The following EYS variants were observed in gnomAD, a reference collection of about 807,000 sequenced individuals.
EYS encodes the protein protein eyes shut homolog.
A neutral mutation model predicts 282.1 loss-of-function variants in EYS; 250 were observed. The observed-to-expected ratio is 0.89, with a 90% CI of 0.80 to 0.98. EYS has a LOEUF of 0.98. Among genes scored for constraint, EYS ranks in the 50% least tolerant of loss-of-function variants. EYS has a pLI of 0.00. For missense variants in EYS, 4,016 were observed against 3,709.0 expected (o/e 1.08, Z -2.15); for synonymous variants, 1,355 against 1,282.9 (o/e 1.06, Z -1.20).
At chr6:64,620,073 C>A (rs1404922712) in intron 23 of EYS, among the ~76,000 whole-genome samples, 1 of 151,996 alleles carries the variant, frequency 6.6e-6, no homozygotes, top group Non-Finnish European at 1.5e-5. Flanking sequence ...AAACAGAAAT[C>A]ACTCTAGTTA....
At chr6:65,587,719 G>T (rs1356640134) in intron 2 of EYS, among the ~76,000 whole-genome samples, 1 of 151,932 alleles carries the variant, frequency 6.6e-6, no homozygotes, top group Non-Finnish European at 1.5e-5. Flanking sequence ...GAGTTAAAAA[G>T]AAAACATAAA....
chr6:64,867,229 A>G (rs199687817), intron 19 of EYS, among the ~76,000 whole-genome samples: 2 of 150,986 alleles, frequency 1.3e-5, no homozygotes, highest in Non-Finnish European at 3.0e-5. Context: ...GAATTTGTTC[A>G]TTTGTTTTTA....
intron 35 of EYS, among the ~76,000 whole-genome samples, chr6:63,910,710 T>A (rs1384211811): frequency 6.6e-6 from 1 of 152,214 alleles, no homozygotes; most frequent in Non-Finnish European, 1.5e-5. Context: ...TGAATGGCAA[T>A]TACTTTTAAA....
chr6:63,872,364 G>A (rs760830388), intron 35 of EYS, among the ~76,000 whole-genome samples: 7 of 151,642 alleles, frequency 4.6e-5, no homozygotes, highest in Non-Finnish European at 8.8e-5. Context: ...AAGTGTGCAT[G>A]TGTGTGTGTA....
At chr6:65,130,405 A>G (rs1775836468) in intron 12 of EYS, among the ~76,000 whole-genome samples, 1 of 151,918 alleles carries the variant, frequency 6.6e-6, no homozygotes, top group African/African-American at 2.4e-5. Context: ...TAACAATGGG[A>G]AAATAGTTTT....
intron 35 of EYS, among the ~76,000 whole-genome samples, chr6:63,909,526 G>T (rs1773862636): frequency 6.6e-6 from 1 of 152,134 alleles, no homozygotes; most frequent in South Asian, 2.1e-4. Flanking sequence ...CCTACTAGAG[G>T]CAATTGTTAA....
intron 26 of EYS, among the ~76,000 whole-genome samples, chr6:64,566,193 G>C (rs533199199): frequency 6.6e-6 from 1 of 152,092 alleles, no homozygotes; most frequent in African/African-American, 2.4e-5. Flanking sequence ...TAGTGGTTTA[G>C]TTTACCTTAT....
chr6:65,444,468 G>A (rs1409424781), intron 5 of EYS, among the ~76,000 whole-genome samples: 1 of 152,038 alleles, frequency 6.6e-6, no homozygotes, highest in African/African-American at 2.4e-5. Context: ...TACTAATACA[G>A]GGAGACCAGG....
chr6:64,371,777 G>A (rs1398051216), intron 29 of EYS, among the ~76,000 whole-genome samples: 2 of 151,892 alleles, frequency 1.3e-5, no homozygotes, highest in Admixed American at 6.6e-5. Flanking sequence ...GCACTTCTTT[G>A]TCTTTTTTTT....
At chr6:65,119,639 T>G (rs1234429471) in intron 12 of EYS, among the ~76,000 whole-genome samples, 1 of 151,476 alleles carries the variant, frequency 6.6e-6, no homozygotes, top group Non-Finnish European at 1.5e-5. Context: ...TCTTTTTTTT[T>G]TTTTTGCCTA....
chr6:64,960,688 G>A (rs1329283356), intron 14 of EYS, among the ~76,000 whole-genome samples: 1 of 151,994 alleles, frequency 6.6e-6, no homozygotes, highest in Non-Finnish European at 1.5e-5. Flanking sequence ...ATATGTGCAG[G>A]TTTGTTCCAT....
intron 8 of EYS, among the ~76,000 whole-genome samples, chr6:65,369,327 T>A (rs1409905546): frequency 1.4e-5 from 2 of 143,040 alleles, no homozygotes; most frequent in African/African-American, 5.1e-5. Flanking sequence ...TATATATATA[T>A]ATTTATATAT....
intron 12 of EYS, among the ~76,000 whole-genome samples, chr6:65,155,797 G>C (rs907835795): frequency 6.6e-6 from 1 of 151,464 alleles, no homozygotes; most frequent in Non-Finnish European, 1.5e-5. Context: ...ATTACATTGT[G>C]TTTGGAGACA....
intron 35 of EYS, among the ~76,000 whole-genome samples, chr6:63,930,280 A>ACCC (rs55860475): frequency 2.3e-5 from 3 of 128,506 alleles, no homozygotes; most frequent in Admixed American, 8.4e-5. Flanking sequence ...TAAGAAACCC[A>ACCC]CCCCCCCCAC....
rs532636892 is a variant in EYS, at chr6:63,817,174, A to T, written c.7229-10802T>A. Among the ~76,000 whole-genome samples, 15 of 152,352 alleles carry T rather than the reference A, an allele frequency of 9.8e-5. No homozygotes were observed. In the South Asian group the frequency reaches 3.1e-3, roughly 32 times the overall value. On this transcript the variant is annotated intron_variant, in intron 36 of 42. Transcript: ENST00000503581. ...TTTCCTGGTGACAGAATCAAAGGTA[A>T]TGCTACTATTGTGCTTTTTTGCTTA...
chr6:64,524,201 TATAG>T (rs1291120757), intron 26 of EYS, among the ~76,000 whole-genome samples: 2 of 151,680 alleles, frequency 1.3e-5, no homozygotes, highest in Non-Finnish European at 2.9e-5. Flanking sequence ...TTCTTTGATA[TATAG>T]ATATATTTTT....
chr6:64,991,736 C>T (rs1021963781), intron 14 of EYS, among the ~76,000 whole-genome samples: 3 of 151,268 alleles, frequency 2.0e-5, no homozygotes, highest in African/African-American at 7.3e-5. Flanking sequence ...ACATTAAAAC[C>T]GAAGGAGGAA....
chr6:64,728,492 G>A (rs1268897340), intron 22 of EYS, among the ~76,000 whole-genome samples: 1 of 151,974 alleles, frequency 6.6e-6, no homozygotes, highest in East Asian at 1.9e-4. Context: ...CCGCCACCAT[G>A]CCTGACTAAT....
intron 12 of EYS, among the ~76,000 whole-genome samples, chr6:65,064,676 T>C (rs1041748612): frequency 1.3e-5 from 2 of 151,668 alleles, no homozygotes; most frequent in Non-Finnish European, 2.9e-5. Flanking sequence ...TGGTTCAAAC[T>C]CAGGCAGAGA....
Sources: allele counts gnomAD v4.1 joint callset (sites outside exome capture counted in the v4.1 genomes callset), GRCh38; gene constraint gnomAD v4.1.1; transcripts MANE v1.5; gene names NCBI Gene and HGNC (gene_info 2026-07-23, HGNC 2026-07-21).